PCGF5: variants seen among roughly 807,000 people sequenced by gnomAD.
PCGF5 encodes the protein polycomb group RING finger protein 5.
A neutral mutation model predicts 44.3 loss-of-function variants in PCGF5; 9 were observed. The ratio of observed to expected loss-of-function variants is 0.20; its 90% CI spans 0.12 to 0.35. The LOEUF is 0.35. Among genes scored for constraint, PCGF5 ranks in the 10% least tolerant of loss-of-function variants. The pLI, the probability that PCGF5 is intolerant of heterozygous loss-of-function variation, is 1.00. For missense variants in PCGF5, 146 were observed against 305.3 expected, an observed-to-expected ratio of 0.48 and a Z score of 3.89; for synonymous variants, 95 against 102.5, an observed-to-expected ratio of 0.93 and a Z score of 0.44.
intron 2 of PCGF5, among the ~76,000 whole-genome samples, chr10:91,238,468 T>G (rs1845228128): frequency 6.6e-6 from 1 of 152,084 alleles, no homozygotes; most frequent in African/African-American, 2.4e-5. Flanking sequence ...CTCTATTTGG[T>G]CAAGCCTGGT....
intron 8 of PCGF5, among the ~76,000 whole-genome samples, chr10:91,268,576 A>G (rs1246939062): frequency 1.3e-5 from 2 of 151,922 alleles, no homozygotes; most frequent in Non-Finnish European, 2.9e-5. Context: ...TCCTCCTCAT[A>G]TTGGATACCA....
intron 9 of PCGF5, among the ~76,000 whole-genome samples, chr10:91,274,165 A>G (rs1846251936): frequency 6.6e-6 from 1 of 152,142 alleles, no homozygotes; most frequent in Non-Finnish European, 1.5e-5. Flanking sequence ...ATGCCAGTTC[A>G]CCCCACAATT....
chr10:91,266,168 A>G (rs1236411832), intron 8 of PCGF5, among the ~76,000 whole-genome samples: 1 of 152,192 alleles, frequency 6.6e-6, no homozygotes, highest in East Asian at 1.9e-4. Flanking sequence ...TGTTGAATGT[A>G]ACTTCAGCTT....
chr10:91,220,495 C>T (rs1208560844), upstream of PCGF5: 1 of 152,672 alleles, frequency 6.5e-6, no homozygotes, highest in South Asian at 1.8e-4. Flanking sequence ...GGCAGCTGCA[C>T]CTGCGAGCAG....
chr10:91,217,591 C>T (rs1366758301), upstream of PCGF5, among the ~76,000 whole-genome samples: 1 of 152,090 alleles, frequency 6.6e-6, no homozygotes, highest in Non-Finnish European at 1.5e-5. Context: ...TTATTAAGAG[C>T]CATTTGTGGT....
At chr10:91,174,616 C>A (rs1216551530) in intron 1 of PCGF5, among the ~76,000 whole-genome samples, 3 of 152,114 alleles carry the variant, frequency 2.0e-5, no homozygotes, top group Non-Finnish European at 1.5e-5. Context: ...GATTAAAAGT[C>A]TTGTGGCATC....
chr10:91,229,637 T>C (rs1844946840), intron 2 of PCGF5, among the ~76,000 whole-genome samples: 1 of 152,186 alleles, frequency 6.6e-6, no homozygotes, highest in African/African-American at 2.4e-5. Flanking sequence ...TAATTAAAAT[T>C]ATAGCTAATA....
intron 1 of PCGF5, among the ~76,000 whole-genome samples, chr10:91,197,771 T>C (rs1844166316): frequency 6.6e-6 from 1 of 152,176 alleles, no homozygotes; most frequent in Admixed American, 6.5e-5. Flanking sequence ...TTTCATTTTG[T>C]TATATTAAAT....
At chr10:91,158,784 G>A (rs920946996), upstream of PCGF5, among the ~76,000 whole-genome samples, 1 of 152,202 alleles carries the variant, frequency 6.6e-6, no homozygotes, top group Non-Finnish European at 1.5e-5. Context: ...ATTTAAGCTG[G>A]TAGAGTTGAC....
At chr10:91,248,750 G>T in intron 5 of PCGF5, 26 bp downstream of exon 5, 1 of 1,572,588 alleles carries the variant, frequency 6.4e-7, no homozygotes, top group South Asian at 1.1e-5. Flanking sequence ...GTCTGTTTCT[G>T]ACAGCACCTC....
intron 1 of PCGF5, among the ~76,000 whole-genome samples, chr10:91,168,015 C>T (rs1843529856): frequency 6.6e-6 from 1 of 152,194 alleles, no homozygotes; most frequent in African/African-American, 2.4e-5. Context: ...ACTAGTAAAG[C>T]ACCTGCAAGT....
At chr10:91,244,669 G>A (rs1301954228) in intron 3 of PCGF5, among the ~76,000 whole-genome samples, 1 of 152,150 alleles carries the variant, frequency 6.6e-6, no homozygotes, top group Non-Finnish European at 1.5e-5. Context: ...GTGAGCGGTG[G>A]TAGCAGTAGA....
Position 91,283,147 on chromosome 10 carries a change from G to A in PCGF5, c.*4831G>A, listed in dbSNP as rs1423501668. The stretch of plus-strand genomic sequence containing the variant: ...GTTCAATAGTTTTTATTGCAGTGAT[G>A]TTTTTCCAATAATTTAAGTAATTCT... On this transcript the variant is annotated 3_prime_UTR_variant, in exon 10 of 10. Coordinates refer to ENST00000336126, the MANE Select transcript of PCGF5 (RefSeq NM_032373.5). 6.6e-6 allele frequency: 1 copy of A among 152,112 alleles called. No individual in the cohort carries two copies. Among genetic ancestry groups the A allele is most frequent in the Non-Finnish European group, 1.5e-5 (1 of 68,016 alleles). The allele number at this position is 152,112 out of a possible 1,614,324, so 9.4% of individuals were successfully genotyped here. A position where few individuals can be genotyped will look rare whatever the true frequency, so the allele number is the denominator to read the frequency against.
intron 1 of PCGF5, among the ~76,000 whole-genome samples, chr10:91,170,744 C>A (rs938931283): frequency 3.4e-4 from 52 of 152,304 alleles, no homozygotes; most frequent in Middle Eastern, 3.4e-3. Context: ...CACAATCCAG[C>A]AGTTGTGTCC....
intron 1 of PCGF5, among the ~76,000 whole-genome samples, chr10:91,164,408 C>T (rs967017632): frequency 6.6e-6 from 1 of 152,224 alleles, no homozygotes; most frequent in Non-Finnish European, 1.5e-5. Flanking sequence ...CTACATTAAC[C>T]GGTTGAGGAG....
In PCGF5 at chr10:91,272,713, C is replaced by T. The variant is rs371251001; in HGVS notation, c.723+1016C>T. On this transcript the variant is annotated intron_variant, in intron 9 of 9. Transcript: ENST00000336126. ...GCTTGAGCCCAGGAAATGGAGGTTG[C>T]AGTGAACTGAGATTGTGCCACTGCA... Among the ~76,000 whole-genome samples, 26 of 152,234 alleles carry T rather than the reference C, an allele frequency of 1.7e-4. 1 individual carries two copies. The South Asian group carries it at 5.4e-3, about 32-fold the overall frequency.
the PCGF5 span, among the ~76,000 whole-genome samples, chr10:91,156,776 T>A: frequency 6.6e-6 from 1 of 152,234 alleles, no homozygotes; most frequent in African/African-American, 2.4e-5. Context: ...CCACCACATT[T>A]AATTATCAAG....
intron 1 of PCGF5, among the ~76,000 whole-genome samples, chr10:91,212,912 G>T (rs1844479207): frequency 6.6e-6 from 1 of 152,056 alleles, no homozygotes; most frequent in African/African-American, 2.4e-5. Flanking sequence ...CATCTTCATG[G>T]TAGAAACTAT....
intron 5 of PCGF5, among the ~76,000 whole-genome samples, chr10:91,249,553 T>C (rs528806724): frequency 6.6e-6 from 1 of 151,844 alleles, no homozygotes; most frequent in Non-Finnish European, 1.5e-5. Context: ...TGTGTTCTTA[T>C]AGGGTCACTT....
Sources: gnomAD v4.1 joint callset for allele counts (sites outside exome capture counted in the v4.1 genomes callset) on GRCh38, gnomAD v4.1.1 for gene constraint, MANE v1.5 for transcripts, NCBI Gene and HGNC (gene_info 2026-07-23, HGNC 2026-07-21) for gene names.